The following CAST variants were observed in gnomAD, a reference collection of about 807,000 sequenced individuals.
CAST encodes MIR583 host.
CAST carries 76 observed loss-of-function variants against 119.6 expected under a neutral mutation model. The observed-to-expected ratio is 0.64, with a 90% CI of 0.53 to 0.77. The LOEUF (loss-of-function observed/expected upper bound fraction) is 0.77. Ranked by LOEUF, CAST falls within the 30% of genes least tolerant of loss-of-function variation. The pLI is 0.00. For synonymous variants in CAST, 319 were observed against 331.6 expected, an observed-to-expected ratio of 0.96 and a Z score of 0.41; for missense variants, 953 against 946.5, an observed-to-expected ratio of 1.01 and a Z score of -0.09.
intron 1 of CAST, among the ~76,000 whole-genome samples, chr5:96,651,513 C>T (rs988271082): frequency 6.6e-5 from 10 of 152,206 alleles, no homozygotes; most frequent in Admixed American, 1.3e-4. Flanking sequence ...TCTCTACTGT[C>T]CTTTCCTTTG....
the CAST span, among the ~76,000 whole-genome samples, chr5:96,270,109 A>G: frequency 1.3e-5 from 2 of 152,178 alleles, no homozygotes; most frequent in African/African-American, 4.8e-5. Context: ...TAAACATGAT[A>G]CATCACATTA....
At chr5:96,436,508 A>C in the CAST span, among the ~76,000 whole-genome samples, 3 of 152,204 alleles carry the variant, frequency 2.0e-5, no homozygotes, top group African/African-American at 4.8e-5. Flanking sequence ...TCTAATTAAA[A>C]CATTTTAATG....
chr5:96,327,008 A>G, the CAST span, among the ~76,000 whole-genome samples: 1 of 152,320 alleles, frequency 6.6e-6, no homozygotes, highest in East Asian at 1.9e-4. Flanking sequence ...AGCAATGGAA[A>G]TGGTAAAGTT....
intron 3 of CAST, among the ~76,000 whole-genome samples, chr5:96,718,734 C>T (rs1757640407): frequency 6.6e-6 from 1 of 152,080 alleles, no homozygotes; most frequent in Admixed American, 6.5e-5. Flanking sequence ...GGAACATGCA[C>T]GCAGCCCAGT....
At chr5:96,504,491 C>T in the CAST span, among the ~76,000 whole-genome samples, 2 of 151,570 alleles carry the variant, frequency 1.3e-5, no homozygotes, top group Non-Finnish European at 2.9e-5. Flanking sequence ...AATTTGCAAT[C>T]GTATCCCAAG....
At chr5:96,543,912 A>G (rs1745959032) in intron 1 of CAST, among the ~76,000 whole-genome samples, 1 of 152,128 alleles carries the variant, frequency 6.6e-6, no homozygotes, top group Non-Finnish European at 1.5e-5. Context: ...TGTTCTATTT[A>G]TCTATCTGTC....
At chr5:96,306,013 C>T in the CAST span, among the ~76,000 whole-genome samples, 1 of 150,848 alleles carries the variant, frequency 6.6e-6, no homozygotes, top group Non-Finnish European at 1.5e-5. Flanking sequence ...GCTTGGAATA[C>T]TTTCTGAAGT....
chr5:96,289,941 T>TAAA, the CAST span, among the ~76,000 whole-genome samples: 2 of 151,104 alleles, frequency 1.3e-5, no homozygotes, highest in Admixed American at 6.6e-5. Flanking sequence ...GTTTTTTTTT[T>TAAA]AAAAAAAACA....
At chr5:96,179,739 G>C in the CAST span, among the ~76,000 whole-genome samples, 2 of 152,166 alleles carry the variant, frequency 1.3e-5, no homozygotes, top group African/African-American at 2.4e-5. Context: ...ACACGGTTTA[G>C]AACTGGTAGA....
the CAST span, among the ~76,000 whole-genome samples, chr5:96,017,171 C>T: frequency 1.5e-4 from 23 of 152,206 alleles, no homozygotes; most frequent in South Asian, 6.2e-4. Flanking sequence ...AGTTCTTTCA[C>T]GGCTGGACCT....
intron 1 of CAST, among the ~76,000 whole-genome samples, chr5:96,580,042 A>G (rs1360673096): frequency 1.3e-5 from 2 of 152,232 alleles, no homozygotes; most frequent in African/African-American, 4.8e-5. Context: ...TTCCACATAC[A>G]TAGATATTTT....
the CAST span, among the ~76,000 whole-genome samples, chr5:96,439,333 A>C: frequency 8.2e-6 from 1 of 122,486 alleles, no homozygotes; most frequent in Non-Finnish European, 1.9e-5. Flanking sequence ...AGAAGCAATC[A>C]CAAAAAATTA....
chr5:96,671,286 C>T (rs774434842), intron 1 of CAST, among the ~76,000 whole-genome samples: 6 of 152,056 alleles, frequency 3.9e-5, no homozygotes, highest in Non-Finnish European at 8.8e-5. Context: ...CTGTCTTTGG[C>T]CTCCTCTCTA....
chr5:96,346,453 C>G, the CAST span, among the ~76,000 whole-genome samples: 4 of 152,242 alleles, frequency 2.6e-5, no homozygotes, highest in Non-Finnish European at 5.9e-5. Context: ...TGAAGCCTGT[C>G]TTAGGTCCAG....
intron 1 of CAST, among the ~76,000 whole-genome samples, chr5:96,593,909 C>CT (rs1747007537): frequency 6.6e-6 from 1 of 152,224 alleles, no homozygotes; most frequent in Admixed American, 6.5e-5. Context: ...GCCACACTGT[C>CT]TATGGCATTT....
the CAST span, among the ~76,000 whole-genome samples, chr5:96,410,411 AG>A: frequency 6.6e-6 from 1 of 152,038 alleles, no homozygotes; most frequent in Non-Finnish European, 1.5e-5. Context: ...AGGATCAGCA[AG>A]TACAAGGGTG....
intron 1 of CAST, among the ~76,000 whole-genome samples, chr5:96,649,837 A>G (rs895742490): frequency 1.3e-5 from 2 of 152,256 alleles, no homozygotes; most frequent in African/African-American, 2.4e-5. Context: ...TCACAGAGGC[A>G]GTAAAGATTA....
chr5:96,337,504 G>A, the CAST span, among the ~76,000 whole-genome samples: 1 of 152,222 alleles, frequency 6.6e-6, no homozygotes, highest in Admixed American at 6.5e-5. Context: ...AGTAACACTG[G>A]AAGTAAGATG....
intron 1 of CAST, among the ~76,000 whole-genome samples, chr5:96,569,383 C>T (rs1421436788): frequency 6.6e-6 from 1 of 152,132 alleles, no homozygotes; most frequent in Non-Finnish European, 1.5e-5. Context: ...GAATAATAAA[C>T]AGGAATAATT....
Sources: gnomAD v4.1 joint callset for allele counts (sites outside exome capture counted in the v4.1 genomes callset) on GRCh38, gnomAD v4.1.1 for gene constraint, MANE v1.5 for transcripts, NCBI Gene and HGNC (gene_info 2026-07-23, HGNC 2026-07-21) for gene names.